The following ZP3 variants were observed in gnomAD, a reference collection of about 807,000 sequenced individuals.
ZP3 encodes the protein zona pellucida glycoprotein 3.
ZP3 carries 21 observed loss-of-function variants against 35.6 expected under a neutral mutation model. That is an observed-to-expected ratio of 0.59 (90% confidence interval 0.42 to 0.85). ZP3 has a LOEUF of 0.85. Ranked by LOEUF, ZP3 falls within the 40% of genes least tolerant of loss-of-function variation. The pLI, the probability that ZP3 is intolerant of heterozygous loss-of-function variation, is 0.00. For missense variants in ZP3, 437 were observed against 536.5 expected (o/e 0.81, Z 1.83); for synonymous variants, 207 against 214.5 (o/e 0.96, Z 0.31).
chr7:76,438,191 C>T (rs1181119408), intron 5 of ZP3, among the ~76,000 whole-genome samples: 1 of 152,106 alleles, frequency 6.6e-6, no homozygotes, highest in Non-Finnish European at 1.5e-5. Flanking sequence ...GGGGACGGGC[C>T]AAGGCTAGAC....
chr7:76,404,537 C>G, intron 1 of ZP3: 1 of 1,580,644 alleles, frequency 6.3e-7, no homozygotes, highest in Non-Finnish European at 8.6e-7. Flanking sequence ...GTTGCTGGGC[C>G]TCCCAGCACT....
At chr7:76,436,619 T>C (rs1353608223) in intron 5 of ZP3, among the ~76,000 whole-genome samples, 1 of 152,160 alleles carries the variant, frequency 6.6e-6, no homozygotes, top group Non-Finnish European at 1.5e-5. Flanking sequence ...GAAAAGCATC[T>C]AATATTGATG....
At chr7:76,400,670 T>G in intron 1 of ZP3, 1 of 1,353,718 alleles carries the variant, frequency 7.4e-7, no homozygotes, top group East Asian at 2.7e-5. Context: ...GTCCTTTTAT[T>G]TTATTATTAT....
At chr7:76,398,824 G>C in intron 1 of ZP3, 1 of 1,608,470 alleles carries the variant, frequency 6.2e-7, no homozygotes, top group Non-Finnish European at 8.5e-7. Context: ...GTGGATACAG[G>C]GGTCTTTCTG....
At chr7:76,429,664 T>G (rs1380090610) in intron 2 of ZP3, 31 bp downstream of exon 2, 1 of 1,591,170 alleles carries the variant, frequency 6.3e-7, no homozygotes, top group African/African-American at 1.3e-5. Context: ...TGGCCCCTGG[T>G]GCAAAAGCCC....
chr7:76,414,709 T>A (rs1805327424), intron 1 of ZP3, among the ~76,000 whole-genome samples: 1 of 129,862 alleles, frequency 7.7e-6, no homozygotes, highest in African/African-American at 2.9e-5. Context: ...TTTTTTTTTT[T>A]TTTTTTTTTT....
chr7:76,400,246 A>G, intron 1 of ZP3: 1 of 1,431,438 alleles, frequency 7.0e-7, no homozygotes, highest in East Asian at 2.6e-5. Context: ...GCTGCCTGCC[A>G]CAGTCTGTCT....
chr7:76,414,422 G>A (rs1300673842), intron 1 of ZP3, among the ~76,000 whole-genome samples: 1 of 152,072 alleles, frequency 6.6e-6, no homozygotes, highest in African/African-American at 2.4e-5. Context: ...GTGCCTAGGC[G>A]GTTGGTTCAC....
At chr7:76,416,885 C>CATACATATATACACACATATAT (rs1563692787) in intron 1 of ZP3, among the ~76,000 whole-genome samples, 6 of 139,746 alleles carry the variant, frequency 4.3e-5, no homozygotes, top group African/African-American at 1.5e-4. Flanking sequence ...TACACACATA[C>CATACATATATACACACATATAT]ATATATATAC....
At chr7:76,441,578 G>A (rs1260545420) in intron 7 of ZP3, among the ~76,000 whole-genome samples, 3 of 151,862 alleles carry the variant, frequency 2.0e-5, no homozygotes, top group Non-Finnish European at 2.9e-5. Context: ...CAGTAGAGAC[G>A]GGTCTTGCCG....
chr7:76,397,950 G>T (rs1044656289), intron 1 of ZP3: 20 of 1,070,408 alleles, frequency 1.9e-5, no homozygotes, highest in Middle Eastern at 2.9e-4. Flanking sequence ...TCACCCCGCT[G>T]CCCAGGGTAC....
At chr7:76,412,814 A>C (rs1484593387) in intron 1 of ZP3, among the ~76,000 whole-genome samples, 1 of 150,696 alleles carries the variant, frequency 6.6e-6, no homozygotes, top group Non-Finnish European at 1.5e-5. Flanking sequence ...GCGCCATTGC[A>C]CTCCAGCCTG....
At position 76,425,088 on chromosome 7, in the gene ZP3, G is replaced by C. The variant is rs552362407; in HGVS notation, c.124G>C (p.Val42Leu). 1 of 1,613,760 alleles carries C rather than the reference G, an allele frequency of 6.2e-7. No homozygotes were observed. Among genetic ancestry groups the C allele is most frequent in the South Asian group, 1.1e-5 (1 of 91,052 alleles). Residue 42 changes from valine to leucine, a missense_variant, in exon 1 of 8, where the codon GTA becomes CTA. Physicochemically the swap from Val to Leu is conservative, Grantham distance 32. Around this residue, in one of 6 missense-constraint regions of ZP3, gnomAD observed 352 missense variants for 308.4 expected, o/e 1.14. Transcript: ENST00000394857. Reference protein sequence around the residue: ...ASHPETSVQPVLVECQEATLM... With the variant: ...ASHPETSVQPLLVECQEATLM... Reference sequence around the variant, plus strand: ...CCATCCTGAGACGTCCGTACAGCCCGTACTGGTGGAGTGTCAGGAGGCCAC... The same window carrying C: ...CCATCCTGAGACGTCCGTACAGCCCCTACTGGTGGAGTGTCAGGAGGCCAC...
intron 1 of ZP3, among the ~76,000 whole-genome samples, chr7:76,411,013 A>AAAAAAAAAAAAAAAG (rs1554623386): frequency 3.6e-4 from 47 of 131,102 alleles, no homozygotes; most frequent in Non-Finnish European, 5.6e-4. Flanking sequence ...AAAAAAAAAA[A>AAAAAAAAAAAAAAAG]AAAAGAAAAG....
Position 76,425,505 on chromosome 7 carries a change from G to A in ZP3, c.312+229G>A, listed in dbSNP as rs559502553. The stretch of plus-strand genomic sequence containing the variant: ...CGATGGGGTGGAGCCAGAGGTGGCC[G>A]TGCACTTCAGGCTGGCCCAAGCCAC... On this transcript the variant is annotated intron_variant, in intron 1 of 7. Coordinates refer to ENST00000394857, the MANE Select transcript of ZP3 (RefSeq NM_001110354.2). 1.8e-4 allele frequency among the ~76,000 whole-genome samples: 27 copies of A among 152,240 alleles called. No individual in the cohort carries two copies. In the South Asian group the frequency reaches 4.4e-3, roughly 25 times the overall value.
intron 1 of ZP3, among the ~76,000 whole-genome samples, chr7:76,426,053 A>C (rs1805640708): frequency 6.6e-6 from 1 of 150,908 alleles, no homozygotes. Flanking sequence ...ACTGCACTCC[A>C]GCCTAGGCAA....
intron 4 of ZP3, 138 bp downstream of exon 4, chr7:76,433,785 G>C: frequency 9.1e-7 from 1 of 1,099,702 alleles, no homozygotes; most frequent in Non-Finnish European, 1.3e-6. Flanking sequence ...TGCAACCTCT[G>C]CCTCCCAGGT....
chr7:76,423,067 G>GAAAGAAAGAAAGAAACAAAGAAAGAAAC (rs1554624530), upstream of ZP3, among the ~76,000 whole-genome samples: 67 of 143,448 alleles, frequency 4.7e-4, no homozygotes, highest in African/African-American at 1.6e-3. Context: ...AAGAAAGAAA[G>GAAAGAAAGAAAGAAACAAAGAAAGAAAC]AAAGAAAGAA....
At chr7:76,423,317 T>G (rs1303655058), upstream of ZP3, among the ~76,000 whole-genome samples, 1 of 152,004 alleles carries the variant, frequency 6.6e-6, no homozygotes, top group Non-Finnish European at 1.5e-5. Context: ...AGGCAAAGCA[T>G]GGGAATTTAC....
Sources: gnomAD v4.1 joint callset for allele counts (sites outside exome capture counted in the v4.1 genomes callset) on GRCh38, gnomAD v4.1.1 for gene constraint, gnomAD v4.1.1 regional missense constraint, MANE v1.5 for transcripts, NCBI Gene and HGNC (gene_info 2026-07-23, HGNC 2026-07-21) for gene names.